The following ASIC2 variants were observed in gnomAD, a reference collection of about 807,000 sequenced individuals.
ASIC2 encodes acid-sensing ion channel 2.
Under a neutral mutation model 57.3 loss-of-function variants are expected in ASIC2, and 25 were observed. The observed-to-expected ratio is 0.44, with a 90% confidence interval of 0.32 to 0.61. The LOEUF is 0.61. ASIC2 is among the 20% of genes least tolerant of loss of function. The pLI is 0.06. For synonymous variants in ASIC2, 319 were observed against 307.5 expected, an observed-to-expected ratio of 1.04 and a Z score of -0.39; for missense variants, 641 against 738.1, an observed-to-expected ratio of 0.87 and a Z score of 1.52.
At chr17:34,055,181 T>C (rs1410854197) in intron 1 of ASIC2, among the ~76,000 whole-genome samples, 2 of 152,330 alleles carry the variant, frequency 1.3e-5, no homozygotes, top group Admixed American at 6.5e-5. Context: ...CTGTCTGCAG[T>C]AGAAAGCCAT....
At chr17:33,883,899 G>C (rs900882460) in intron 1 of ASIC2, among the ~76,000 whole-genome samples, 4 of 151,622 alleles carry the variant, frequency 2.6e-5, no homozygotes, top group South Asian at 2.1e-4. Context: ...TTTTTTGCAC[G>C]GATGAGCAAA....
chr17:33,986,851 T>C (rs1475369348), intron 1 of ASIC2, among the ~76,000 whole-genome samples: 2 of 152,150 alleles, frequency 1.3e-5, no homozygotes, highest in Non-Finnish European at 2.9e-5. Context: ...GCCTTGAAGC[T>C]CATATACTCT....
intron 1 of ASIC2, among the ~76,000 whole-genome samples, chr17:34,090,741 C>T (rs1410230613): frequency 6.6e-6 from 1 of 152,210 alleles, no homozygotes; most frequent in Admixed American, 6.5e-5. Flanking sequence ...ATCCACACTC[C>T]CCATTCTGGG....
intron 4 of ASIC2, among the ~76,000 whole-genome samples, chr17:33,027,763 A>G (rs1166408033): frequency 6.6e-6 from 1 of 152,254 alleles, no homozygotes; most frequent in African/African-American, 2.4e-5. Flanking sequence ...AGATGGCCAC[A>G]TGCATTGTTA....
intron 1 of ASIC2, among the ~76,000 whole-genome samples, chr17:33,694,374 C>A (rs1431077512): frequency 6.6e-6 from 1 of 152,202 alleles, no homozygotes; most frequent in Non-Finnish European, 1.5e-5. Context: ...GCCTAGCATT[C>A]TTTTTCAGCT....
At chr17:33,214,027 C>G (rs1018252207) in intron 1 of ASIC2, among the ~76,000 whole-genome samples, 1 of 147,496 alleles carries the variant, frequency 6.8e-6, no homozygotes, top group Non-Finnish European at 1.5e-5. Flanking sequence ...GCACACTTCC[C>G]TGAGCCCACC....
rs2091849949 is a variant in ASIC2, at chr17:33,024,125, TCTGGGG to T, written c.1196-117_1196-112del. Reference sequence around the variant, plus strand: ...GAAATGAGCTGGGAAGGGGCACTGGTCTGGGGAAAGTGAGGGGCAGGGATTGTGGAG... The same window carrying T: ...GAAATGAGCTGGGAAGGGGCACTGGTAAAGTGAGGGGCAGGGATTGTGGAG... On this transcript the variant is annotated intron_variant, in intron 5 of 9. Transcript: ENST00000225823. 163 of 1,432,980 alleles carry T rather than the reference TCTGGGG, an allele frequency of 1.1e-4. 5 individuals carry two copies. The South Asian group carries it at 2.1e-3, about 18-fold the overall frequency. The allele number at this position is 1,432,980 out of a possible 1,614,324, so 88.8% of individuals were successfully genotyped here.
chr17:33,847,929 A>G (rs1339137562), intron 1 of ASIC2, among the ~76,000 whole-genome samples: 3 of 152,086 alleles, frequency 2.0e-5, no homozygotes, highest in East Asian at 1.9e-4. Context: ...ATGCAAATAT[A>G]TGGGGAGGAA....
chr17:34,111,996 T>C (rs567154684), intron 1 of ASIC2, among the ~76,000 whole-genome samples: 61 of 152,306 alleles, frequency 4.0e-4, no homozygotes, highest in Non-Finnish European at 7.9e-4. Context: ...TGCATAGCCA[T>C]ATGGAAAAAA....
In ASIC2 at chr17:34,156,639, C is replaced by T; in HGVS notation, c.-107G>A. The T allele has an allele frequency of 8.3e-7, 1 of 1,210,468 alleles. No homozygotes were observed. Among genetic ancestry groups the T allele is most frequent in the Non-Finnish European group, 1.1e-6 (1 of 882,346 alleles). 75.0% of individuals were successfully genotyped at this position (1,210,468 alleles called of 1,614,324 possible). ...ACCTTGACGTTCAGGGGAGAGAACG[C>T]AAGGCAAGCATCGCGCCAGATGCTG... On this transcript the variant is annotated 5_prime_UTR_variant, in exon 1 of 10. Coordinates refer to the ASIC2 transcript ENST00000359872. The surrounding 1 kb of genome is among the most constrained non-coding windows in gnomAD (Gnocchi z 4.4).
chr17:34,089,492 A>G (rs984653945), intron 1 of ASIC2, among the ~76,000 whole-genome samples: 1 of 152,194 alleles, frequency 6.6e-6, no homozygotes. Flanking sequence ...TGCCTCTGCT[A>G]TGGAAATTGA....
intron 3 of ASIC2, among the ~76,000 whole-genome samples, chr17:33,041,599 C>T (rs574123410): frequency 6.6e-5 from 10 of 152,340 alleles, no homozygotes; most frequent in South Asian, 4.1e-4. Flanking sequence ...AGCCAGAACT[C>T]GGGTTCTAAC....
chr17:33,219,916 A>G (rs1371234814), intron 1 of ASIC2, among the ~76,000 whole-genome samples: 1 of 152,230 alleles, frequency 6.6e-6, no homozygotes, highest in African/African-American at 2.4e-5. Flanking sequence ...GGTCATGGAC[A>G]TGCCACATTC....
intron 1 of ASIC2, among the ~76,000 whole-genome samples, chr17:34,140,463 C>G (rs1256018401): frequency 6.6e-6 from 1 of 152,024 alleles, no homozygotes; most frequent in Non-Finnish European, 1.5e-5. Flanking sequence ...CTGAGCATAC[C>G]TACAACTCAG....
At chr17:33,180,013 C>CT (rs768408339) in intron 1 of ASIC2, among the ~76,000 whole-genome samples, 9 of 152,176 alleles carry the variant, frequency 5.9e-5, no homozygotes, top group Non-Finnish European at 1.0e-4. Context: ...TTGATTGTCT[C>CT]TTAGGGCTCT....
At chr17:33,453,024 G>A (rs902867432) in intron 1 of ASIC2, among the ~76,000 whole-genome samples, 2 of 152,308 alleles carry the variant, frequency 1.3e-5, no homozygotes, top group African/African-American at 2.4e-5. Flanking sequence ...TCGAATGAAT[G>A]TTGTTAGCAC....
At chr17:33,669,759 T>C (rs2142050461) in intron 1 of ASIC2, among the ~76,000 whole-genome samples, 1 of 152,296 alleles carries the variant, frequency 6.6e-6, no homozygotes, top group Admixed American at 6.5e-5. Context: ...AGATTTCATG[T>C]TTGGTTTTTG....
intron 1 of ASIC2, among the ~76,000 whole-genome samples, chr17:33,391,258 G>A (rs1333434765): frequency 6.6e-6 from 1 of 152,160 alleles, no homozygotes; most frequent in Non-Finnish European, 1.5e-5. Context: ...CAGGTCACCT[G>A]CTTTTTCCAA....
chr17:33,493,579 C>G (rs1235726334), intron 1 of ASIC2, among the ~76,000 whole-genome samples: 1 of 152,176 alleles, frequency 6.6e-6, no homozygotes, highest in Non-Finnish European at 1.5e-5. Context: ...TTACTGGCTG[C>G]TTTCCTCTTC....
Sources: allele counts gnomAD v4.1 joint callset (sites outside exome capture counted in the v4.1 genomes callset), GRCh38; gene constraint gnomAD v4.1.1; non-coding constraint Gnocchi (gnomAD v3.1); transcripts MANE v1.5; gene names NCBI Gene and HGNC (gene_info 2026-07-23, HGNC 2026-07-21).